Variants in STARD13 observed in about 807,000 individuals in gnomAD.
STARD13 encodes StAR related lipid transfer domain containing 13.
Under a neutral mutation model 106.4 loss-of-function variants are expected in STARD13, and 62 were observed. The ratio of observed to expected loss-of-function variants is 0.58; its 90% CI spans 0.48 to 0.72. STARD13 has a LOEUF of 0.72. STARD13 is among the 30% of genes least tolerant of loss of function. The probability of loss-of-function intolerance (pLI) is 0.00; values close to 1 mark genes in which losing one functional copy is unlikely to be tolerated. For synonymous variants in STARD13, 565 were observed against 553.0 expected (o/e 1.02, Z -0.31); for missense variants, 1,387 against 1,424.0 (o/e 0.97, Z 0.42).
At chr13:33,237,953 G>A (rs957878461) in intron 1 of STARD13, among the ~76,000 whole-genome samples, 51 of 152,300 alleles carry the variant, frequency 3.3e-4, no homozygotes, top group African/African-American at 1.2e-3. Context: ...ACAAAATTAT[G>A]TCTTTCAAGA....
the STARD13 span, among the ~76,000 whole-genome samples, chr13:33,456,638 C>T: frequency 3.5e-4 from 53 of 152,146 alleles, no homozygotes; most frequent in Non-Finnish European, 3.8e-4. Flanking sequence ...GTTTTCATTC[C>T]TGTGTCCTTC....
the STARD13 span, among the ~76,000 whole-genome samples, chr13:33,423,236 C>T: frequency 6.6e-6 from 1 of 152,114 alleles, no homozygotes; most frequent in African/African-American, 2.4e-5. Flanking sequence ...AGAACTTAAA[C>T]AAATTTACAA....
the STARD13 span, among the ~76,000 whole-genome samples, chr13:33,377,315 A>C: frequency 3.3e-5 from 5 of 152,078 alleles, no homozygotes; most frequent in Non-Finnish European, 7.4e-5. Context: ...AAAAACATTT[A>C]ATTTTACTTT....
At chr13:33,261,291 A>G (rs1890627608) in intron 1 of STARD13, among the ~76,000 whole-genome samples, 1 of 152,206 alleles carries the variant, frequency 6.6e-6, no homozygotes, top group Non-Finnish European at 1.5e-5. Context: ...TTAGCATCCC[A>G]CAATGCATAG....
intron 1 of STARD13, among the ~76,000 whole-genome samples, chr13:33,197,143 T>C (rs1013718978): frequency 2.6e-5 from 4 of 152,190 alleles, no homozygotes; most frequent in African/African-American, 9.7e-5. Flanking sequence ...ACACACGTTG[T>C]GTTTGTACTA....
At chr13:33,201,495 C>T (rs1381280220) in intron 1 of STARD13, among the ~76,000 whole-genome samples, 1 of 152,198 alleles carries the variant, frequency 6.6e-6, no homozygotes, top group South Asian at 2.1e-4. Context: ...TGCCAAAAAA[C>T]TTCCACAATT....
At chr13:33,643,393 T>C in the STARD13 span, among the ~76,000 whole-genome samples, 40 of 152,244 alleles carry the variant, frequency 2.6e-4, no homozygotes, top group Non-Finnish European at 4.7e-4. Flanking sequence ...CATTTGACCC[T>C]GTCCTGGCCA....
chr13:33,136,989 G>A (rs1423185993), intron 4 of STARD13, among the ~76,000 whole-genome samples: 2 of 152,184 alleles, frequency 1.3e-5, no homozygotes, highest in East Asian at 1.9e-4. Context: ...AGGCACAGAA[G>A]TTTCTGGCTG....
the STARD13 span, among the ~76,000 whole-genome samples, chr13:33,631,453 C>G: frequency 2.0e-5 from 3 of 152,152 alleles, no homozygotes; most frequent in Non-Finnish European, 4.4e-5. Context: ...CATGTTCTTA[C>G]ATTGGTAAAT....
chr13:33,492,548 C>G, the STARD13 span, among the ~76,000 whole-genome samples: 1 of 152,054 alleles, frequency 6.6e-6, no homozygotes, highest in Middle Eastern at 3.4e-3. Context: ...CAAAACCTAC[C>G]AAAACCAAGA....
chr13:33,325,786 A>C (rs2077767151), intron 1 of STARD13, among the ~76,000 whole-genome samples: 1 of 151,996 alleles, frequency 6.6e-6, no homozygotes, highest in South Asian at 2.1e-4. Context: ...CGAGGTCAGG[A>C]GATCGAGACC....
At chr13:33,325,115 A>G (rs2077758795) in intron 1 of STARD13, among the ~76,000 whole-genome samples, 1 of 152,318 alleles carries the variant, frequency 6.6e-6, no homozygotes, top group African/African-American at 2.4e-5. Context: ...CACATCAAAA[A>G]GTTTGTCACA....
At chr13:33,260,458 C>T (rs368636156) in intron 1 of STARD13, among the ~76,000 whole-genome samples, 171 of 152,266 alleles carry the variant, frequency 1.1e-3, no homozygotes, top group African/African-American at 3.9e-3. Flanking sequence ...CTACATTTTA[C>T]GGGGGAGGTC....
intron 1 of STARD13, among the ~76,000 whole-genome samples, chr13:33,226,736 C>T (rs1367330933): frequency 6.6e-6 from 1 of 152,030 alleles, no homozygotes; most frequent in Non-Finnish European, 1.5e-5. Flanking sequence ...CACCCGGCCT[C>T]AAATTTACTT....
intron 3 of STARD13, among the ~76,000 whole-genome samples, chr13:33,163,183 T>A (rs1426022722): frequency 6.6e-6 from 1 of 152,152 alleles, no homozygotes. Flanking sequence ...GAAACCGCCC[T>A]CATGATTCAA....
At chr13:33,300,909 C>A (rs924070244) in intron 1 of STARD13, among the ~76,000 whole-genome samples, 4 of 152,114 alleles carry the variant, frequency 2.6e-5, no homozygotes, top group African/African-American at 4.8e-5. Context: ...TTTGAACATG[C>A]GCTTCCCTCG....
chr13:33,656,267 GA>G, the STARD13 span, among the ~76,000 whole-genome samples: 1 of 152,156 alleles, frequency 6.6e-6, no homozygotes, highest in Non-Finnish European at 1.5e-5. Context: ...AATATTTATG[GA>G]TGGAAGAAAG....
At chr13:33,317,854 G>A (rs529569047) in intron 1 of STARD13, among the ~76,000 whole-genome samples, 10 of 152,224 alleles carry the variant, frequency 6.6e-5, no homozygotes, top group South Asian at 4.1e-4. Context: ...ATGGATGGAC[G>A]GATGGATGAA....
chr13:33,150,856 T>C lies in STARD13; in HGVS notation c.324-8483A>G, dbSNP rs148222406. On this transcript the variant is annotated intron_variant, in intron 3 of 13. Transcript: ENST00000336934. ...TTAAGAGTGAAACTTGAGGTTCTAATGGGAAAGTCAACAAGAAGAGAAGAA... is the reference window on the plus strand; with the variant it reads ...TTAAGAGTGAAACTTGAGGTTCTAACGGGAAAGTCAACAAGAAGAGAAGAA... Among the ~76,000 whole-genome samples, 33 of 152,312 alleles carry C rather than the reference T, an allele frequency of 2.2e-4. No individual in the cohort carries two copies. The East Asian group carries it at 6.2e-3, about 28-fold the overall frequency.
Sources: allele counts gnomAD v4.1 joint callset (sites outside exome capture counted in the v4.1 genomes callset), GRCh38; gene constraint gnomAD v4.1.1; transcripts MANE v1.5; gene names NCBI Gene and HGNC (gene_info 2026-07-23, HGNC 2026-07-21).